The following SMAD2 variants were observed in gnomAD, a reference collection of about 807,000 sequenced individuals.
SMAD2 encodes the protein SMAD family member 2, also known as MAD homolog 2.
A neutral mutation model predicts 64.4 loss-of-function variants in SMAD2; 8 were observed. The ratio of observed to expected loss-of-function variants is 0.12; its 90% CI spans 0.07 to 0.22. The LOEUF (loss-of-function observed/expected upper bound fraction) is 0.22, where lower values mean the gene tolerates loss of function less well. Ranked by LOEUF, SMAD2 falls within the 10% of genes least tolerant of loss-of-function variation. The pLI is 1.00. For synonymous variants in SMAD2, 203 were observed against 195.8 expected, an observed-to-expected ratio of 1.04 and a Z score of -0.31; for missense variants, 289 against 561.2, an observed-to-expected ratio of 0.51 and a Z score of 4.90.
intron 1 of SMAD2, among the ~76,000 whole-genome samples, chr18:47,905,216 T>G (rs1039430385): frequency 2.6e-5 from 4 of 152,094 alleles, no homozygotes; most frequent in African/African-American, 9.7e-5. Flanking sequence ...GAAATACGCT[T>G]GAAACAACAG....
At chr18:47,865,165 T>G (rs766500519) in intron 5 of SMAD2, 32 bp from the exon 6 acceptor site, 2 of 1,201,342 alleles carry the variant, frequency 1.7e-6, no homozygotes, top group Non-Finnish European at 2.5e-6. Flanking sequence ...CAAGCACAGC[T>G]GCAACATAAT....
intron 2 of SMAD2, among the ~76,000 whole-genome samples, chr18:47,883,044 C>T (rs192004206): frequency 1.8e-4 from 28 of 152,280 alleles, no homozygotes; most frequent in African/African-American, 6.5e-4. Flanking sequence ...CTCCAAAGAA[C>T]TCGCTTTTGG....
chr18:47,899,432 G>A (rs777626052), intron 1 of SMAD2, among the ~76,000 whole-genome samples: 1 of 152,044 alleles, frequency 6.6e-6, no homozygotes, highest in Non-Finnish European at 1.5e-5. Context: ...ATATAAAGGA[G>A]TTATCAAATG....
chr18:47,921,327 T>C (rs1288656691), intron 1 of SMAD2, among the ~76,000 whole-genome samples: 2 of 152,176 alleles, frequency 1.3e-5, no homozygotes, highest in Non-Finnish European at 2.9e-5. Context: ...CATAGATGCA[T>C]AAAATCTCTG....
At chr18:47,850,402 AT>A (rs1915173054) in intron 7 of SMAD2, among the ~76,000 whole-genome samples, 2 of 23,254 alleles carry the variant, frequency 8.6e-5, no homozygotes, top group Non-Finnish European at 1.4e-4. Flanking sequence ...TATATTATAT[AT>A]TATGTATAAT....
chr18:47,814,853 A>G lies in SMAD2; in HGVS notation c.*26974T>C, dbSNP rs1048901805. 6.6e-6 allele frequency: 1 copy of G among 152,348 alleles called. No individual in the cohort carries two copies. The highest frequency in any genetic ancestry group is 6.5e-5 in the Admixed American group (1 of 15,276). The allele number at this position is 152,348 out of a possible 1,614,324, so 9.4% of individuals were successfully genotyped here. On this transcript the variant is annotated 3_prime_UTR_variant, in exon 11 of 11. Coordinates refer to ENST00000262160, the MANE Select transcript of SMAD2 (RefSeq NM_005901.6). ...CTTCCCACCCACTCCAAAGCCCAGC[A>G]GATTAACAGTCCCATAGTTGGGACA...
intron 1 of SMAD2, among the ~76,000 whole-genome samples, chr18:47,905,712 C>G (rs151214302): frequency 0.016 from 2,361 of 152,306 alleles, 33 homozygotes; most frequent in Non-Finnish European, 0.022. Context: ...CAAGCCTCAA[C>G]CACAAGTGCA....
At position 47,839,211 on chromosome 18, in the gene SMAD2, C is replaced by T. The variant is rs946930989; in HGVS notation, c.*2616G>A. 1 of 233,346 alleles carries T rather than the reference C, an allele frequency of 4.3e-6. No individual in the cohort carries two copies. The highest frequency in any genetic ancestry group is 8.5e-6 in the Non-Finnish European group (1 of 118,072). 14.5% of individuals were successfully genotyped at this position (233,346 alleles called of 1,614,324 possible). On this transcript the variant is annotated 3_prime_UTR_variant, in exon 11 of 11. Transcript: ENST00000262160. ...ACTGTACAGAAAAATCGCATCAGAA[C>T]TGTAGAGATGCGCTCCACTACTGAA... is the stretch of plus-strand genomic sequence containing the variant.
rs1912985346 is a variant in SMAD2 at position 47,831,390 on chromosome 18, T to C, written c.*10437A>G. ...GGCTTACTGTATTCTGCCCATCTTC[T>C]TCCTGGACCAAACTGTTCAGAAGTT... On this transcript the variant is annotated 3_prime_UTR_variant, in exon 11 of 11. Coordinates refer to ENST00000262160, the MANE Select transcript of SMAD2 (RefSeq NM_005901.6). 6.6e-6 allele frequency: 1 copy of C among 152,262 alleles called. No homozygotes were observed. Among genetic ancestry groups the C allele is most frequent in the Non-Finnish European group, 1.5e-5 (1 of 68,044 alleles). 9.4% of individuals were successfully genotyped at this position (152,262 alleles called of 1,614,324 possible). A position where few individuals can be genotyped will look rare whatever the true frequency, so the allele number is the denominator to read the frequency against.
In SMAD2 at chr18:47,869,332, T is replaced by C. The variant is rs753418067; in HGVS notation, c.431A>G (p.Lys144Arg). 1.9e-6 allele frequency: 3 copies of C among 1,613,642 alleles called. No homozygotes were observed. The South Asian group carries it at 3.3e-5, about 18-fold the overall frequency. ...AGCATATTCGCAGTTTTCAATTGCC[T>C]TGAGTTCATGATGACTGTGAAGATC... ...WPDLHSHHELKAIENCEYAFN... is the reference protein window; with the variant it reads ...WPDLHSHHELRAIENCEYAFN... The change falls in exon 4 of 11, where the codon AAG becomes AGG. Residue 144 changes from lysine (K) to arginine (R), a missense_variant. Physicochemically the swap from Lys to Arg is conservative, Grantham distance 26. Transcript: ENST00000262160.
intron 1 of SMAD2, among the ~76,000 whole-genome samples, chr18:47,924,012 G>GC (rs1332490634): frequency 6.6e-6 from 1 of 152,146 alleles, no homozygotes; most frequent in Non-Finnish European, 1.5e-5. Context: ...ACTTTGGGAG[G>GC]CCAAGGTGGG....
chr18:47,919,949 T>C (rs941272087), intron 1 of SMAD2: 52 of 152,394 alleles, frequency 3.4e-4, no homozygotes, highest in African/African-American at 1.2e-3. Flanking sequence ...AAACCACATA[T>C]TGTTAAATTT....
At chr18:47,901,913 G>C (rs949467980) in intron 1 of SMAD2, among the ~76,000 whole-genome samples, 1 of 152,168 alleles carries the variant, frequency 6.6e-6, no homozygotes, top group Non-Finnish European at 1.5e-5. Context: ...AACTGGGTGT[G>C]TTGAAAATCA....
At chr18:47,930,043 ACT>A in intron 1 of SMAD2, among the ~76,000 whole-genome samples, 1 of 152,150 alleles carries the variant, frequency 6.6e-6, no homozygotes, top group East Asian at 1.9e-4. Context: ...CTTCCCCACA[ACT>A]CCTGAAACAA....
intron 1 of SMAD2, among the ~76,000 whole-genome samples, chr18:47,900,986 G>C (rs2144488895): frequency 6.6e-6 from 1 of 152,134 alleles, no homozygotes; most frequent in South Asian, 2.1e-4. Context: ...CCTAGCTTAT[G>C]GTCAATTCTA....
At chr18:47,916,366 G>A (rs1263281915) in intron 1 of SMAD2, among the ~76,000 whole-genome samples, 3 of 152,018 alleles carry the variant, frequency 2.0e-5, no homozygotes, top group East Asian at 3.9e-4. Flanking sequence ...TGTTTTGCTT[G>A]AGGACTTAAA....
In SMAD2 at chr18:47,851,281, A is replaced by G; in HGVS notation, c.777T>C (p.His259=). The G allele has an allele frequency of 6.2e-7, 1 of 1,606,780 alleles. No homozygotes were observed. Among genetic ancestry groups the G allele is most frequent in the South Asian group, 1.1e-5 (1 of 90,914 alleles). Residue 259 remains histidine, a synonymous_variant, in exon 7 of 11, where the codon CAT becomes CAC. Coordinates refer to ENST00000262160, the MANE Select transcript of SMAD2 (RefSeq NM_005901.6). ...LSPTTLSPVN[H]SLDLQPVTYS... is the part of the protein sequence containing the mutation. ...AACATATGTGCAACTTACCCAAGCT[A>G]TGATTAACAGGGGAAAGAGTAGTAG... is the stretch of plus-strand genomic sequence containing the variant.
At chr18:47,901,090 G>T (rs1177940263) in intron 1 of SMAD2, among the ~76,000 whole-genome samples, 1 of 152,114 alleles carries the variant, frequency 6.6e-6, no homozygotes, top group South Asian at 2.1e-4. Flanking sequence ...CCTGCTAATT[G>T]TGATGTATGT....
At chr18:47,864,679 C>T (rs1229534218) in intron 6 of SMAD2, among the ~76,000 whole-genome samples, 3 of 152,130 alleles carry the variant, frequency 2.0e-5, no homozygotes, top group Admixed American at 2.0e-4. Flanking sequence ...CCCCATCCTT[C>T]ACCCCCAAAT....
Sources: allele counts gnomAD v4.1 joint callset (sites outside exome capture counted in the v4.1 genomes callset), GRCh38; gene constraint gnomAD v4.1.1; transcripts MANE v1.5; gene names NCBI Gene and HGNC (gene_info 2026-07-23, HGNC 2026-07-21).